The following SCHIP1 variants were observed in gnomAD, a reference collection of about 807,000 sequenced individuals.
SCHIP1 encodes schwannomin-interacting protein 1.
SCHIP1 carries 8 observed loss-of-function variants against 29.7 expected under a neutral mutation model. That is an observed-to-expected ratio of 0.27 (90% CI 0.16 to 0.49). The LOEUF is 0.49. SCHIP1 is among the 20% of genes least tolerant of loss of function. The probability of loss-of-function intolerance (pLI) is 0.99; values close to 1 mark genes in which losing one functional copy is unlikely to be tolerated. For missense variants in SCHIP1, 193 were observed against 294.6 expected, an observed-to-expected ratio of 0.66 and a Z score of 2.52; for synonymous variants, 76 against 94.9, an observed-to-expected ratio of 0.80 and a Z score of 1.16.
the SCHIP1 span, among the ~76,000 whole-genome samples, chr3:159,308,380 A>C: frequency 2.6e-5 from 4 of 152,200 alleles, no homozygotes; most frequent in South Asian, 4.1e-4. Flanking sequence ...ATGAACAGAC[A>C]CTTCTCAAAA....
At chr3:159,507,570 T>G in the SCHIP1 span, among the ~76,000 whole-genome samples, 2 of 152,166 alleles carry the variant, frequency 1.3e-5, no homozygotes, top group African/African-American at 4.8e-5. Flanking sequence ...TGCTTCCAGT[T>G]TTTGCCCTTT....
the SCHIP1 span, among the ~76,000 whole-genome samples, chr3:159,571,213 C>A: frequency 6.6e-6 from 1 of 152,126 alleles, no homozygotes; most frequent in Non-Finnish European, 1.5e-5. Context: ...TTGTCTTGTT[C>A]CGGTTTTCAA....
chr3:159,692,076 C>G, the SCHIP1 span, among the ~76,000 whole-genome samples: 1 of 136,998 alleles, frequency 7.3e-6, no homozygotes, highest in Non-Finnish European at 1.5e-5. Context: ...GGCCGGACTG[C>G]GGACTGCAGT....
At chr3:159,712,795 AAGAG>A in the SCHIP1 span, among the ~76,000 whole-genome samples, 112 of 151,716 alleles carry the variant, frequency 7.4e-4, no homozygotes, top group Admixed American at 1.6e-3. Flanking sequence ...GGAAGGAAGA[AAGAG>A]AGAGAAAGAA....
chr3:159,344,195 C>T, the SCHIP1 span, among the ~76,000 whole-genome samples: 1 of 151,844 alleles, frequency 6.6e-6, no homozygotes. Context: ...ATGGCGCATG[C>T]TTGTAATCCC....
At chr3:159,514,336 T>C in the SCHIP1 span, among the ~76,000 whole-genome samples, 18 of 152,248 alleles carry the variant, frequency 1.2e-4, no homozygotes, top group African/African-American at 4.1e-4. Context: ...TTAGTCACTA[T>C]AGTACATTCA....
the SCHIP1 span, among the ~76,000 whole-genome samples, chr3:159,283,395 C>A: frequency 1.3e-5 from 2 of 152,046 alleles, no homozygotes; most frequent in African/African-American, 4.8e-5. Flanking sequence ...TCAGGTGATC[C>A]GCCGCCCGCC....
chr3:159,645,805 A>T, the SCHIP1 span, among the ~76,000 whole-genome samples: 1 of 152,144 alleles, frequency 6.6e-6, no homozygotes, highest in Non-Finnish European at 1.5e-5. Flanking sequence ...ATAGGAAAAA[A>T]ATCAAAGGGT....
At chr3:159,638,197 C>T in the SCHIP1 span, among the ~76,000 whole-genome samples, 7 of 152,018 alleles carry the variant, frequency 4.6e-5, no homozygotes, top group East Asian at 1.9e-4. Context: ...ACATGATTTC[C>T]GTGTACCTCA....
At chr3:159,409,040 A>G in the SCHIP1 span, among the ~76,000 whole-genome samples, 2 of 152,198 alleles carry the variant, frequency 1.3e-5, no homozygotes, top group African/African-American at 4.8e-5. Context: ...CAAAAACCAT[A>G]TGATCATTTC....
chr3:159,381,206 A>G, the SCHIP1 span, among the ~76,000 whole-genome samples: 1 of 152,204 alleles, frequency 6.6e-6, no homozygotes, highest in African/African-American at 2.4e-5. Flanking sequence ...AGCTTGAAAC[A>G]CGAGGTAGAC....
chr3:159,753,567 TC>T, the SCHIP1 span, among the ~76,000 whole-genome samples: 1 of 152,162 alleles, frequency 6.6e-6, no homozygotes, highest in African/African-American at 2.4e-5. Context: ...CTCTCTGTCT[TC>T]CCAATCTTCA....
At chr3:159,843,822 CAAAAAAAAAAAAAA>C (rs1161141544) in intron 1 of SCHIP1, among the ~76,000 whole-genome samples, 2 of 39,990 alleles carry the variant, frequency 5.0e-5, no homozygotes, top group African/African-American at 2.1e-4. Context: ...GACTCTGTCT[CAAAAAAAAAAAAAA>C]AAAAAAAAAA....
At chr3:159,528,895 C>T in the SCHIP1 span, among the ~76,000 whole-genome samples, 2 of 152,156 alleles carry the variant, frequency 1.3e-5, no homozygotes, top group East Asian at 3.9e-4. Context: ...CACCAGAACA[C>T]TCCAATCTCT....
chr3:159,842,515 C>T (rs185586208), intron 1 of SCHIP1, among the ~76,000 whole-genome samples: 2 of 152,046 alleles, frequency 1.3e-5, no homozygotes, highest in Non-Finnish European at 2.9e-5. Context: ...AGATCATGTC[C>T]CATATCTCAA....
At chr3:159,665,411 T>G in the SCHIP1 span, among the ~76,000 whole-genome samples, 1 of 152,160 alleles carries the variant, frequency 6.6e-6, no homozygotes, top group East Asian at 1.9e-4. Flanking sequence ...ACTTGGTCTC[T>G]TCTCTCCCAG....
the SCHIP1 span, among the ~76,000 whole-genome samples, chr3:159,467,561 TTTAAAA>T: frequency 6.6e-6 from 1 of 152,014 alleles, no homozygotes; most frequent in Non-Finnish European, 1.5e-5. Flanking sequence ...CAGCCAGTCT[TTTAAAA>T]TTAATGTTTG....
the SCHIP1 span, among the ~76,000 whole-genome samples, chr3:159,755,316 G>T: frequency 6.6e-6 from 1 of 152,220 alleles, no homozygotes; most frequent in East Asian, 1.9e-4. Context: ...TGGCAGCAGG[G>T]AAGGAGGAGC....
At chr3:159,374,383 A>G in the SCHIP1 span, among the ~76,000 whole-genome samples, 1 of 152,186 alleles carries the variant, frequency 6.6e-6, no homozygotes, top group Non-Finnish European at 1.5e-5. Context: ...ACTTAAAAAA[A>G]GAAATTGAGC....
Sources: allele counts gnomAD v4.1 joint callset (sites outside exome capture counted in the v4.1 genomes callset), GRCh38; gene constraint gnomAD v4.1.1; transcripts MANE v1.5; gene names NCBI Gene and HGNC (gene_info 2026-07-23, HGNC 2026-07-21).